Variants in ABCG2 observed in about 807,000 individuals in gnomAD.
ABCG2 encodes the protein broad substrate specificity ATP-binding cassette transporter ABCG2.
Under a neutral mutation model 73.5 loss-of-function variants are expected in ABCG2, and 80 were observed. The ratio of observed to expected loss-of-function variants is 1.09; its 90% confidence interval spans 0.91 to 1.31. ABCG2 has a LOEUF of 1.31. Ranked by LOEUF, ABCG2 falls within the 50% of genes most tolerant of loss-of-function variation. The pLI is 0.00. For synonymous variants in ABCG2, 269 were observed against 282.4 expected (o/e 0.95, Z 0.48); for missense variants, 796 against 786.2 (o/e 1.01, Z -0.15).
At chr4:88,121,059 G>A (rs1723933974) in intron 6 of ABCG2, among the ~76,000 whole-genome samples, 1 of 152,160 alleles carries the variant, frequency 6.6e-6, no homozygotes, top group African/African-American at 2.4e-5. Context: ...AGAACTTACT[G>A]TATGCTAGCA....
intron 2 of ABCG2, among the ~76,000 whole-genome samples, chr4:88,137,987 T>C (rs1022764527): frequency 3.3e-5 from 5 of 152,000 alleles, no homozygotes; most frequent in African/African-American, 1.2e-4. Flanking sequence ...AGACCCCATC[T>C]CCACACACAG....
At chr4:88,114,374 C>T (rs929247804) in intron 8 of ABCG2, among the ~76,000 whole-genome samples, 2 of 152,096 alleles carry the variant, frequency 1.3e-5, no homozygotes, top group African/African-American at 4.8e-5. Flanking sequence ...CACCTGTAAT[C>T]CCAACACTTT....
chr4:88,150,028 G>C (rs1019161720), intron 1 of ABCG2, among the ~76,000 whole-genome samples: 4 of 151,592 alleles, frequency 2.6e-5, no homozygotes, highest in African/African-American at 9.7e-5. Flanking sequence ...AAAAGAGGAA[G>C]GGTGGGCCAG....
rs541738427 is a variant in ABCG2, at chr4:88,210,013, G to A, written c.-20+20981C>T. ...CACTCTTTGAATGCATCTTAAAGAT[G>A]TGTCCTATAAAACAAAACAAAACAA... On this transcript the variant is annotated intron_variant, in intron 1 of 15. Coordinates refer to the ABCG2 transcript ENST00000515655. Among the ~76,000 whole-genome samples, 401 of 152,212 alleles carry A rather than the reference G, an allele frequency of 2.6e-3. 2 individuals are homozygous for A. The highest frequency in any genetic ancestry group is 8.5e-3 in the African/African-American group (353 of 41,518).
chr4:88,187,289 A>G (rs1385224858), intron 1 of ABCG2, among the ~76,000 whole-genome samples: 5 of 152,032 alleles, frequency 3.3e-5, no homozygotes, highest in African/African-American at 9.7e-5. Context: ...AACTAAAAAA[A>G]TATAATTGGG....
At chr4:88,159,069 G>A (rs985232500), upstream of ABCG2, 1 of 450,470 alleles carries the variant, frequency 2.2e-6, no homozygotes, top group African/African-American at 2.0e-5. Flanking sequence ...TGGTACCACC[G>A]CCCTCCCTCG....
intron 1 of ABCG2, among the ~76,000 whole-genome samples, chr4:88,157,888 T>C (rs890132022): frequency 2.0e-5 from 3 of 152,138 alleles, no homozygotes; most frequent in Non-Finnish European, 4.4e-5. Flanking sequence ...CACTCAACTA[T>C]CCACAGAAAA....
At chr4:88,203,186 G>A (rs1212168401) in intron 1 of ABCG2, among the ~76,000 whole-genome samples, 1 of 152,104 alleles carries the variant, frequency 6.6e-6, no homozygotes, top group Non-Finnish European at 1.5e-5. Context: ...AAATTACTAA[G>A]AACTGGAGAG....
In ABCG2 at chr4:88,121,734, C is replaced by T; in HGVS notation, c.590G>A (p.Gly197Glu). Residue 197 changes from glycine to glutamate, a missense_variant, in exon 6 of 16, where the codon GGA becomes GAA. Transcript: ENST00000237612. ...SGGERKRTSI[G>E]MELITDPSIL... is the part of the protein sequence containing the mutation. ...GGAAGGATCAGTGATAAGCTCCATT[C>T]CTATACTAGTCCTTTTTCTTTCTCC... 6.2e-7 allele frequency: 1 copy of T among 1,614,060 alleles called. No individual in the cohort carries two copies.
At chr4:88,210,021 TAAAACAAAAC>T (rs547660232) in intron 1 of ABCG2, among the ~76,000 whole-genome samples, 1 of 152,164 alleles carries the variant, frequency 6.6e-6, no homozygotes, top group Non-Finnish European at 1.5e-5. Context: ...ATGTGTCCTA[TAAAACAAAAC>T]AAAACAAAAC....
intron 7 of ABCG2, among the ~76,000 whole-genome samples, chr4:88,115,471 A>G: frequency 6.7e-6 from 1 of 149,968 alleles, no homozygotes; most frequent in South Asian, 2.1e-4. Context: ...TTCAGTAGAG[A>G]CACAGCTTTG....
At chr4:88,112,767 T>C (rs759783804) in intron 9 of ABCG2, among the ~76,000 whole-genome samples, 38 of 152,104 alleles carry the variant, frequency 2.5e-4, no homozygotes, top group Middle Eastern at 3.2e-3. Context: ...CATTACAGCT[T>C]GTCTAAATCA....
At chr4:88,175,411 A>T (rs998599287) in intron 1 of ABCG2, among the ~76,000 whole-genome samples, 1 of 152,230 alleles carries the variant, frequency 6.6e-6, no homozygotes, top group Non-Finnish European at 1.5e-5. Context: ...AGTAGGCTAA[A>T]TTTATAATTC....
At chr4:88,176,531 A>G (rs1578257515) in intron 1 of ABCG2, among the ~76,000 whole-genome samples, 1 of 119,724 alleles carries the variant, frequency 8.4e-6, no homozygotes, top group African/African-American at 3.4e-5. Flanking sequence ...CTCAGGTTGG[A>G]GTGTGATGGC....
intron 5 of ABCG2, among the ~76,000 whole-genome samples, chr4:88,127,409 G>GA (rs1394159330): frequency 1.3e-5 from 2 of 151,444 alleles, no homozygotes; most frequent in African/African-American, 4.8e-5. Context: ...CACAGAATTA[G>GA]AAAAAAAACT....
chr4:88,193,313 T>C (rs2110108912), intron 1 of ABCG2, among the ~76,000 whole-genome samples: 1 of 152,170 alleles, frequency 6.6e-6, no homozygotes, highest in African/African-American at 2.4e-5. Flanking sequence ...TGCTAGTACA[T>C]GAGTGAGATT....
At chr4:88,200,481 TC>T (rs1729112761) in intron 1 of ABCG2, among the ~76,000 whole-genome samples, 1 of 151,932 alleles carries the variant, frequency 6.6e-6, no homozygotes, top group Admixed American at 6.6e-5. Context: ...AAGATGTTCT[TC>T]AAAGAGAAGA....
chr4:88,198,222 A>G (rs1338471616), intron 1 of ABCG2, among the ~76,000 whole-genome samples: 2 of 151,914 alleles, frequency 1.3e-5, no homozygotes, highest in Non-Finnish European at 2.9e-5. Flanking sequence ...AATCCCAGCT[A>G]CTCGGGAGGC....
intron 1 of ABCG2, among the ~76,000 whole-genome samples, chr4:88,165,609 C>T (rs1184886039): frequency 6.6e-6 from 1 of 152,236 alleles, no homozygotes. Flanking sequence ...TCTGGGCAGG[C>T]TCACGCCTGT....
Sources: gnomAD v4.1 joint callset for allele counts (sites outside exome capture counted in the v4.1 genomes callset) on GRCh38, gnomAD v4.1.1 for gene constraint, MANE v1.5 for transcripts, NCBI Gene and HGNC (gene_info 2026-07-23, HGNC 2026-07-21) for gene names.